FAM13A: variants seen among roughly 807,000 people sequenced by gnomAD.
The protein encoded by FAM13A is family with sequence similarity 13 member A.
In FAM13A, 76 loss-of-function variants were observed where a neutral mutation model predicts 129.6. The observed-to-expected ratio is 0.59, with a 90% CI of 0.49 to 0.71. The LOEUF is 0.71. Among genes scored for constraint, FAM13A ranks in the 30% least tolerant of loss-of-function variants. The probability of loss-of-function intolerance (pLI) is 0.00; values close to 1 mark genes in which losing one functional copy is unlikely to be tolerated. For missense variants in FAM13A, 1,108 were observed against 1,249.3 expected, an observed-to-expected ratio of 0.89 and a Z score of 1.70; for synonymous variants, 443 against 449.9, an observed-to-expected ratio of 0.98 and a Z score of 0.20.
intron 7 of FAM13A, among the ~76,000 whole-genome samples, chr4:88,838,762 T>C (rs1735288381): frequency 6.6e-6 from 1 of 152,038 alleles, no homozygotes; most frequent in Non-Finnish European, 1.5e-5. Flanking sequence ...AAAATACACA[T>C]TTTTAGCTGT....
intron 1 of FAM13A, among the ~76,000 whole-genome samples, chr4:89,049,436 A>T (rs1275582935): frequency 2.0e-5 from 3 of 152,250 alleles, no homozygotes; most frequent in African/African-American, 7.2e-5. Context: ...CACAGGAAAA[A>T]AAACCTGTGA....
chr4:89,011,122 G>A (rs1795736), intron 3 of FAM13A, among the ~76,000 whole-genome samples: 62,630 of 151,928 alleles, frequency 0.41, 13,140 homozygotes, highest in South Asian at 0.59. Flanking sequence ...TGCTGGGATT[G>A]CAGGTGTAAG....
chr4:88,948,983 C>G (rs1270698386), intron 4 of FAM13A, among the ~76,000 whole-genome samples: 1 of 152,212 alleles, frequency 6.6e-6, no homozygotes, highest in African/African-American at 2.4e-5. Context: ...CAAGACTAAA[C>G]ATTTATTCAC....
chr4:88,967,894 T>C (rs1030658115), intron 4 of FAM13A, among the ~76,000 whole-genome samples: 4 of 152,206 alleles, frequency 2.6e-5, no homozygotes, highest in African/African-American at 9.7e-5. Flanking sequence ...ATCACGTCTC[T>C]TAAACAGTGC....
chr4:88,906,496 T>C, intron 5 of FAM13A, 34 bp from the exon 6 acceptor site: 1 of 1,438,538 alleles, frequency 7.0e-7, no homozygotes. Context: ...CATTAGAGAT[T>C]AAAGAACACT....
chr4:88,972,465 C>T (rs1760247984), intron 4 of FAM13A, among the ~76,000 whole-genome samples: 1 of 152,040 alleles, frequency 6.6e-6, no homozygotes, highest in Non-Finnish European at 1.5e-5. Flanking sequence ...CCACGCCTGG[C>T]TAATTTTGGT....
intron 3 of FAM13A, among the ~76,000 whole-genome samples, chr4:88,996,157 A>G (rs940423377): frequency 5.9e-5 from 9 of 152,170 alleles, no homozygotes; most frequent in African/African-American, 2.2e-4. Context: ...GTGGGGAGAC[A>G]ATGCAGAGAG....
chr4:88,741,022 G>A (rs1261331920), intron 19 of FAM13A, among the ~76,000 whole-genome samples: 2 of 152,206 alleles, frequency 1.3e-5, no homozygotes, highest in Non-Finnish European at 2.9e-5. Context: ...AAAAGACTGT[G>A]TCTAGTGCTG....
At chr4:88,773,768 T>C (rs1721153052) in intron 11 of FAM13A, among the ~76,000 whole-genome samples, 1 of 152,200 alleles carries the variant, frequency 6.6e-6, no homozygotes, top group South Asian at 2.1e-4. Context: ...GATTAATATA[T>C]CTAACTGCCT....
chr4:88,780,746 C>T (rs1230899470), intron 11 of FAM13A, among the ~76,000 whole-genome samples: 1 of 151,890 alleles, frequency 6.6e-6, no homozygotes, highest in Non-Finnish European at 1.5e-5. Context: ...GATTTCTGAA[C>T]ATGAAGATAG....
intron 5 of FAM13A, among the ~76,000 whole-genome samples, chr4:88,933,815 G>A (rs1753420565): frequency 6.6e-6 from 1 of 152,068 alleles, no homozygotes; most frequent in African/African-American, 2.4e-5. Context: ...CAAGAACCTA[G>A]TAATCTTTTT....
intron 6 of FAM13A, among the ~76,000 whole-genome samples, chr4:88,875,380 G>C (rs1208988183): frequency 6.6e-6 from 1 of 152,100 alleles, no homozygotes; most frequent in African/African-American, 2.4e-5. Flanking sequence ...GAAAATTTTT[G>C]CAATCTACCC....
chr4:88,731,924 TA>T, intron 22 of FAM13A, 77 bp downstream of exon 22: 1 of 1,118,156 alleles, frequency 8.9e-7, no homozygotes, highest in Non-Finnish European at 1.3e-6. Flanking sequence ...CTAATTTATT[TA>T]GATACAAAGG....
intron 2 of FAM13A, among the ~76,000 whole-genome samples, chr4:89,026,853 G>C (rs1366201181): frequency 1.3e-5 from 2 of 152,150 alleles, no homozygotes; most frequent in East Asian, 3.9e-4. Flanking sequence ...AGAGCAGATA[G>C]ATGTTTTTTC....
intron 1 of FAM13A, among the ~76,000 whole-genome samples, chr4:89,052,725 C>T (rs1771769852): frequency 6.6e-6 from 1 of 152,062 alleles, no homozygotes; most frequent in African/African-American, 2.4e-5. Context: ...CCACCTAGAA[C>T]TCTCTCTCCC....
intron 4 of FAM13A, among the ~76,000 whole-genome samples, chr4:88,960,587 T>TGTCTTTTGCA: frequency 6.6e-6 from 1 of 152,186 alleles, no homozygotes; most frequent in African/African-American, 2.4e-5. Context: ...TTTGAAGTAT[T>TGTCTTTTGCA]AAGATGACTA....
At position 88,945,913 on chromosome 4, in the gene FAM13A, T is replaced by C. The variant is rs185328964; in HGVS notation, c.606-7672A>G. Among the ~76,000 whole-genome samples the C allele has an allele frequency of 5.5e-4, 76 of 137,884 alleles. No homozygotes were observed. The East Asian group carries it at 0.015, about 26-fold the overall frequency. 90.5% of individuals were successfully genotyped at this position (137,884 alleles called of 152,430 possible). A position where few individuals can be genotyped will look rare whatever the true frequency, so the allele number is the denominator to read the frequency against. The stretch of plus-strand genomic sequence containing the variant: ...TCTATGTGTGTATATACACAGACTA[T>C]ATATATATAGTATATATTATATGCA... On this transcript the variant is annotated intron_variant, in intron 4 of 23. Transcript: ENST00000264344.
rs370188082 is a variant in FAM13A, at chr4:88,787,732, G to C, written c.1271+21C>G. On this transcript the variant is annotated intron_variant, in intron 10 of 23. Transcript: ENST00000264344. ...TAAAAAGAGAAAACTCAAGTAAGAGGAAGAATCAATGCCAACTCACTTGTC... is the reference window on the plus strand; with the variant it reads ...TAAAAAGAGAAAACTCAAGTAAGAGCAAGAATCAATGCCAACTCACTTGTC... The C allele has an allele frequency of 6.7e-5, 107 of 1,607,176 alleles. No homozygotes were observed. In the South Asian group the frequency reaches 1.1e-3, roughly 16 times the overall value.
chr4:88,989,123 G>A (rs1172698792), intron 4 of FAM13A, among the ~76,000 whole-genome samples: 1 of 151,664 alleles, frequency 6.6e-6, no homozygotes, highest in Non-Finnish European at 1.5e-5. Flanking sequence ...CAGGAGAATC[G>A]CATGAACCCA....
Sources: allele counts gnomAD v4.1 joint callset (sites outside exome capture counted in the v4.1 genomes callset), GRCh38; gene constraint gnomAD v4.1.1; transcripts MANE v1.5; gene names NCBI Gene and HGNC (gene_info 2026-07-23, HGNC 2026-07-21).